Variants in TTC28 observed in about 807,000 individuals in gnomAD.
TTC28 encodes the protein tetratricopeptide repeat protein 28.
In TTC28, 61 loss-of-function variants were observed where a neutral mutation model predicts 198.0. The ratio of observed to expected loss-of-function variants is 0.31; its 90% CI spans 0.25 to 0.38. The LOEUF (loss-of-function observed/expected upper bound fraction) is 0.38. Among genes scored for constraint, TTC28 ranks in the 10% least tolerant of loss-of-function variants. The pLI, the probability that TTC28 is intolerant of heterozygous loss-of-function variation, is 1.00. For synonymous variants in TTC28, 1,171 were observed against 1,297.8 expected (o/e 0.90, Z 2.10); for missense variants, 2,678 against 3,164.0 (o/e 0.85, Z 3.69).
chr22:28,675,404 C>A (rs2051965979), intron 1 of TTC28, among the ~76,000 whole-genome samples: 3 of 152,048 alleles, frequency 2.0e-5, no homozygotes, highest in Admixed American at 2.0e-4. Context: ...AAAGAAAAAA[C>A]AGATAAGCTA....
chr22:28,557,725 C>T (rs768035365), intron 2 of TTC28, among the ~76,000 whole-genome samples: 1 of 152,180 alleles, frequency 6.6e-6, no homozygotes, highest in Admixed American at 6.5e-5. Context: ...TGGATTGTGA[C>T]TTCAAATCTA....
At chr22:28,438,198 G>A (rs934822101) in intron 2 of TTC28, among the ~76,000 whole-genome samples, 18 of 152,074 alleles carry the variant, frequency 1.2e-4, no homozygotes, top group Admixed American at 2.6e-4. Flanking sequence ...ATACCAACTA[G>A]CACAGCATTC....
chr22:28,626,279 T>C (rs2051075641), intron 2 of TTC28, among the ~76,000 whole-genome samples: 1 of 152,082 alleles, frequency 6.6e-6, no homozygotes, highest in Non-Finnish European at 1.5e-5. Context: ...CACATCAAAA[T>C]CATTTTCTCA....
At chr22:28,389,119 G>A (rs1358744628) in intron 2 of TTC28, among the ~76,000 whole-genome samples, 2 of 152,044 alleles carry the variant, frequency 1.3e-5, no homozygotes, top group African/African-American at 4.8e-5. Context: ...TTTGTCTTTG[G>A]TTCTGTTTAT....
At position 28,460,186 on chromosome 22, in the gene TTC28, G is replaced by A. The variant is rs1421632133; in HGVS notation, c.382-153543C>T. On this transcript the variant is annotated intron_variant, in intron 2 of 22. Transcript: ENST00000397906. ...TGAATAAGCAAAAGAAGCCAGGTCA[G>A]ACTCAAAGTATCTTAACATGAAGAT... is the stretch of plus-strand genomic sequence containing the variant. Among the ~76,000 whole-genome samples the A allele has an allele frequency of 2.8e-4, 42 of 152,082 alleles. 1 individual carries two copies. The highest frequency in any genetic ancestry group is 2.9e-5 in the Non-Finnish European group (2 of 68,014).
chr22:28,387,664 G>A (rs1264596461), intron 2 of TTC28, among the ~76,000 whole-genome samples: 2 of 152,138 alleles, frequency 1.3e-5, no homozygotes, highest in South Asian at 2.1e-4. Flanking sequence ...GTCTGTTCAT[G>A]TCCTTCGCCC....
chr22:28,270,171 AG>A (rs1343650445), intron 5 of TTC28, among the ~76,000 whole-genome samples: 2 of 152,184 alleles, frequency 1.3e-5, no homozygotes, highest in East Asian at 3.9e-4. Flanking sequence ...AATGCACGTA[AG>A]GTATGTATTG....
intron 2 of TTC28, among the ~76,000 whole-genome samples, chr22:28,458,549 CT>C (rs1212525938): frequency 6.6e-6 from 1 of 152,122 alleles, no homozygotes; most frequent in Non-Finnish European, 1.5e-5. Context: ...GAGGCCTAAT[CT>C]TTTTTAAAAT....
At chr22:28,338,940 G>A (rs1026696377) in intron 2 of TTC28, among the ~76,000 whole-genome samples, 1 of 152,198 alleles carries the variant, frequency 6.6e-6, no homozygotes, top group African/African-American at 2.4e-5. Flanking sequence ...TTTGGAGGAG[G>A]AGAGGCGCTC....
At chr22:28,368,195 A>C (rs1479915455) in intron 2 of TTC28, among the ~76,000 whole-genome samples, 1 of 152,124 alleles carries the variant, frequency 6.6e-6, no homozygotes, top group Non-Finnish European at 1.5e-5. Flanking sequence ...GACATTACAT[A>C]TTGGATTCAA....
intron 2 of TTC28, among the ~76,000 whole-genome samples, chr22:28,390,202 G>C (rs983235185): frequency 4.6e-5 from 7 of 152,178 alleles, no homozygotes; most frequent in African/African-American, 1.7e-4. Flanking sequence ...ACTGTGGTCT[G>C]AGAGATAGTT....
chr22:28,351,855 A>C (rs535375882), intron 2 of TTC28, among the ~76,000 whole-genome samples: 26 of 152,338 alleles, frequency 1.7e-4, no homozygotes, highest in African/African-American at 6.3e-4. Flanking sequence ...GGGAGCTGAT[A>C]ACACTGCTCT....
chr22:28,109,625 A>T (rs572349160), intron 6 of TTC28, among the ~76,000 whole-genome samples: 2 of 152,368 alleles, frequency 1.3e-5, no homozygotes, highest in South Asian at 4.1e-4. Context: ...TATCATACAT[A>T]TCATAACTAT....
intron 6 of TTC28, among the ~76,000 whole-genome samples, chr22:28,152,669 A>G (rs1279975684): frequency 2.0e-5 from 3 of 152,238 alleles, no homozygotes; most frequent in Admixed American, 2.0e-4. Context: ...TTGACATATT[A>G]AGAGGTTATT....
intron 5 of TTC28, 82 bp from the exon 6 acceptor site, chr22:28,163,681 T>C: frequency 7.0e-7 from 1 of 1,428,338 alleles, no homozygotes; most frequent in Non-Finnish European, 9.2e-7. Context: ...ATTTTACAGG[T>C]TGCAAGATGG....
intron 2 of TTC28, among the ~76,000 whole-genome samples, chr22:28,355,335 C>T (rs1230270087): frequency 6.6e-6 from 1 of 152,066 alleles, no homozygotes; most frequent in Non-Finnish European, 1.5e-5. Context: ...AGCTTTATTT[C>T]GGTGTTAATC....
rs533243913 is a variant in TTC28, at chr22:28,133,855, G to A, written c.1442-25452C>T. On this transcript the variant is annotated intron_variant, in intron 6 of 22. Coordinates refer to ENST00000397906, the MANE Select transcript of TTC28 (RefSeq NM_001145418.2). ...AATGTCCCTGTCTGACAGCTTTGAA[G>A]AGAGTAGTGGTTCTCCCAGCACGCA... Among the ~76,000 whole-genome samples, 225 of 152,340 alleles carry A rather than the reference G, an allele frequency of 1.5e-3. 2 individuals carry two copies. Among genetic ancestry groups the A allele is most frequent in the African/African-American group, 5.1e-3 (214 of 41,572 alleles).
intron 20 of TTC28, among the ~76,000 whole-genome samples, chr22:27,990,496 G>A (rs1250593745): frequency 6.6e-6 from 1 of 152,082 alleles, no homozygotes; most frequent in African/African-American, 2.4e-5. Context: ...GGGTCTGTGT[G>A]TGGGTTCACA....
intron 12 of TTC28, among the ~76,000 whole-genome samples, chr22:28,038,986 G>T (rs986687926): frequency 6.6e-6 from 1 of 152,176 alleles, no homozygotes; most frequent in African/African-American, 2.4e-5. Context: ...TCTCACACCA[G>T]TTAGAATGGC....
Sources: allele counts gnomAD v4.1 joint callset (sites outside exome capture counted in the v4.1 genomes callset), GRCh38; gene constraint gnomAD v4.1.1; transcripts MANE v1.5; gene names NCBI Gene and HGNC (gene_info 2026-07-23, HGNC 2026-07-21).